ARHGAP15: variants seen among roughly 807,000 people sequenced by gnomAD.
The protein encoded by ARHGAP15 is Rho GTPase activating protein 15.
ARHGAP15 carries 51 observed loss-of-function variants against 63.7 expected under a neutral mutation model. The ratio of observed to expected loss-of-function variants is 0.80; its 90% confidence interval spans 0.64 to 1.01. The LOEUF (loss-of-function observed/expected upper bound fraction) is 1.01. Ranked by LOEUF, ARHGAP15 falls within the 50% of genes least tolerant of loss-of-function variation. ARHGAP15 has a pLI of 0.00. For missense variants in ARHGAP15, 560 were observed against 564.6 expected, an observed-to-expected ratio of 0.99 and a Z score of 0.08; for synonymous variants, 191 against 193.8, an observed-to-expected ratio of 0.99 and a Z score of 0.12.
At chr2:143,138,977 A>G (rs960844934) in intron 1 of ARHGAP15, among the ~76,000 whole-genome samples, 3 of 152,070 alleles carry the variant, frequency 2.0e-5, no homozygotes, top group Non-Finnish European at 4.4e-5. Context: ...GGCTCATATT[A>G]TATTTCTAAT....
intron 12 of ARHGAP15, chr2:143,656,251 G>A (rs1055338051): frequency 1.2e-4 from 18 of 152,162 alleles, no homozygotes; most frequent in African/African-American, 4.3e-4. Context: ...TAAATGTTAA[G>A]GAATGTGGCA....
intron 6 of ARHGAP15, among the ~76,000 whole-genome samples, chr2:143,408,029 A>G (rs1380291439): frequency 8.6e-6 from 1 of 115,690 alleles, no homozygotes; most frequent in African/African-American, 3.5e-5. Context: ...ATATATATAT[A>G]TATCCTTTTT....
chr2:143,724,690 A>G (rs1314931349), intron 13 of ARHGAP15, among the ~76,000 whole-genome samples: 2 of 152,230 alleles, frequency 1.3e-5, no homozygotes, highest in African/African-American at 4.8e-5. Context: ...ATTTCAAACC[A>G]TGAAAGTGCG....
chr2:143,146,763 A>G lies in ARHGAP15; in HGVS notation c.-14-8714A>G, dbSNP rs141773191. On this transcript the variant is annotated intron_variant, in intron 1 of 13. Coordinates refer to ENST00000295095, the MANE Select transcript of ARHGAP15 (RefSeq NM_018460.4). ...TTATTGTCCTTCACAACAATAGACT[A>G]TGACATTAGTGTCCCATCATTAGAC... 8.9e-4 allele frequency among the ~76,000 whole-genome samples: 135 copies of G among 152,232 alleles called. 1 individual carries two copies. The highest frequency in any genetic ancestry group is 3.2e-3 in the African/African-American group (131 of 41,574).
intron 8 of ARHGAP15, among the ~76,000 whole-genome samples, chr2:143,480,263 A>G (rs1201810525): frequency 1.3e-5 from 2 of 152,224 alleles, no homozygotes; most frequent in East Asian, 3.8e-4. Context: ...AAATTTTCCT[A>G]TGGCTGAATT....
intron 6 of ARHGAP15, among the ~76,000 whole-genome samples, chr2:143,358,715 T>G (rs1011242366): frequency 1.4e-4 from 21 of 151,902 alleles, no homozygotes; most frequent in African/African-American, 5.1e-4. Flanking sequence ...TTCTTCTATA[T>G]AAGTTTTTCT....
chr2:143,617,068 G>T (rs1698480845), intron 11 of ARHGAP15, among the ~76,000 whole-genome samples: 1 of 152,194 alleles, frequency 6.6e-6, no homozygotes, highest in African/African-American at 2.4e-5. Flanking sequence ...AGAGTATTCT[G>T]CATGTTTGTA....
chr2:143,223,916 C>T (rs1389728691), intron 4 of ARHGAP15, among the ~76,000 whole-genome samples: 1 of 152,184 alleles, frequency 6.6e-6, no homozygotes, highest in East Asian at 1.9e-4. Flanking sequence ...GTATCCTAGG[C>T]TCATTCAGAA....
At chr2:143,262,535 A>ATTTTTTTTTTT (rs67267617) in intron 6 of ARHGAP15, among the ~76,000 whole-genome samples, 1,056 of 90,802 alleles carry the variant, frequency 0.012, 60 homozygotes, top group African/African-American at 0.022. Flanking sequence ...TGAACCTTTG[A>ATTTTTTTTTTT]TTTTTTTTTT....
chr2:143,549,254 AT>A (rs1695460001), intron 10 of ARHGAP15, among the ~76,000 whole-genome samples: 1 of 152,182 alleles, frequency 6.6e-6, no homozygotes, highest in Non-Finnish European at 1.5e-5. Context: ...TCAAAAAAGC[AT>A]GTCTGATTCT....
At chr2:143,605,990 G>A (rs1434298064) in intron 11 of ARHGAP15, among the ~76,000 whole-genome samples, 2 of 133,774 alleles carry the variant, frequency 1.5e-5, no homozygotes, top group Admixed American at 1.6e-4. Flanking sequence ...GAGCGGAGAT[G>A]GTGCCACTGC....
intron 5 of ARHGAP15, among the ~76,000 whole-genome samples, chr2:143,235,432 A>C (rs1337950289): frequency 6.6e-6 from 1 of 152,128 alleles, no homozygotes. Context: ...AACAAGGAGA[A>C]ATGAATTTTT....
At chr2:143,603,087 T>A (rs1697840891) in intron 11 of ARHGAP15, among the ~76,000 whole-genome samples, 1 of 152,206 alleles carries the variant, frequency 6.6e-6, no homozygotes, top group Admixed American at 6.5e-5. Context: ...AGAATATTCC[T>A]TATTGATTTT....
At chr2:143,666,897 A>AATC (rs1265569249) in intron 12 of ARHGAP15, among the ~76,000 whole-genome samples, 1 of 146,940 alleles carries the variant, frequency 6.8e-6, no homozygotes, top group Non-Finnish European at 1.5e-5. Flanking sequence ...TTAGAATGGC[A>AATC]ATCATTAAAA....
At chr2:143,151,830 A>G (rs2600377) in intron 1 of ARHGAP15, among the ~76,000 whole-genome samples, 102,981 of 150,960 alleles carry the variant, frequency 0.68, 35,737 homozygotes, top group East Asian at 0.92. Flanking sequence ...AGCCCTGTCT[A>G]ATTGGAATGA....
chr2:143,681,474 A>G (rs1162538279), intron 12 of ARHGAP15, among the ~76,000 whole-genome samples: 2 of 152,096 alleles, frequency 1.3e-5, no homozygotes, highest in Non-Finnish European at 2.9e-5. Context: ...TTGTCTTGAC[A>G]TTTCCTTCCA....
chr2:143,513,541 C>T (rs1693677445), intron 9 of ARHGAP15, among the ~76,000 whole-genome samples: 1 of 152,132 alleles, frequency 6.6e-6, no homozygotes, highest in African/African-American at 2.4e-5. Context: ...GTCTTAATTA[C>T]AACTATCTGC....
chr2:143,435,259 C>G, intron 6 of ARHGAP15: 1 of 999,060 alleles, frequency 1.0e-6, no homozygotes, highest in South Asian at 4.6e-5. Flanking sequence ...CTGACACACC[C>G]GGGTGCATTT....
intron 12 of ARHGAP15, among the ~76,000 whole-genome samples, chr2:143,663,402 G>A (rs1314940674): frequency 1.1e-4 from 16 of 148,584 alleles, no homozygotes; most frequent in Non-Finnish European, 1.5e-4. Flanking sequence ...CCCTAAAAGA[G>A]CTCCTGAAGG....
Sources: gnomAD v4.1 joint callset for allele counts (sites outside exome capture counted in the v4.1 genomes callset) on GRCh38, gnomAD v4.1.1 for gene constraint, MANE v1.5 for transcripts, NCBI Gene and HGNC (gene_info 2026-07-23, HGNC 2026-07-21) for gene names.